DPP10: variants seen among roughly 807,000 people sequenced by gnomAD.
DPP10 encodes the protein inactive dipeptidyl peptidase 10.
A neutral mutation model predicts 120.9 loss-of-function variants in DPP10; 33 were observed. The ratio of observed to expected loss-of-function variants is 0.27; its 90% CI spans 0.21 to 0.37. The LOEUF is 0.37. Ranked by LOEUF, DPP10 falls within the 10% of genes least tolerant of loss-of-function variation. The pLI is 1.00. For missense variants in DPP10, 816 were observed against 942.8 expected, an observed-to-expected ratio of 0.87 and a Z score of 1.76; for synonymous variants, 337 against 326.1, an observed-to-expected ratio of 1.03 and a Z score of -0.36.
intron 2 of DPP10, among the ~76,000 whole-genome samples, chr2:115,317,227 A>G (rs920788638): frequency 6.7e-6 from 1 of 149,290 alleles, no homozygotes; most frequent in African/African-American, 2.6e-5. Flanking sequence ...GCAATCACCA[A>G]TCTACTTCTG....
intron 19 of DPP10, among the ~76,000 whole-genome samples, chr2:115,803,352 TACAGC>T (rs1294760003): frequency 6.6e-6 from 1 of 152,180 alleles, no homozygotes; most frequent in Non-Finnish European, 1.5e-5. Context: ...GTTTTCTGAA[TACAGC>T]ACACTGATGG....
chr2:115,016,450 A>G (rs1355080103), intron 1 of DPP10, among the ~76,000 whole-genome samples: 1 of 152,212 alleles, frequency 6.6e-6, no homozygotes, highest in Non-Finnish European at 1.5e-5. Flanking sequence ...ATGGGCGAAG[A>G]CTTCATGACA....
chr2:115,093,491 T>C (rs1709452613), intron 1 of DPP10, among the ~76,000 whole-genome samples: 1 of 152,124 alleles, frequency 6.6e-6, no homozygotes. Context: ...AAATGAATGA[T>C]AGTTATGTAA....
intron 3 of DPP10, among the ~76,000 whole-genome samples, chr2:115,379,188 T>C (rs1354646995): frequency 1.3e-5 from 2 of 152,162 alleles, no homozygotes; most frequent in Non-Finnish European, 2.9e-5. Flanking sequence ...GTCCTGGACT[T>C]TTTTTGGTAG....
chr2:114,803,958 C>T (rs1437466318), intron 1 of DPP10, among the ~76,000 whole-genome samples: 4 of 152,218 alleles, frequency 2.6e-5, no homozygotes, highest in African/African-American at 9.6e-5. Context: ...TCACAGCAGC[C>T]CTTCCCATCA....
At chr2:114,601,264 A>G (rs1283122458) in intron 1 of DPP10, among the ~76,000 whole-genome samples, 1 of 151,870 alleles carries the variant, frequency 6.6e-6, no homozygotes, top group Non-Finnish European at 1.5e-5. Flanking sequence ...TAATTTTACA[A>G]TTGTGTAGGT....
intron 1 of DPP10, among the ~76,000 whole-genome samples, chr2:114,712,550 C>T (rs533264181): frequency 6.6e-6 from 1 of 152,252 alleles, no homozygotes; most frequent in East Asian, 1.9e-4. Context: ...GATATGGTCT[C>T]AAGGACACAT....
intron 1 of DPP10, among the ~76,000 whole-genome samples, chr2:114,662,347 T>C (rs1163965901): frequency 6.6e-6 from 1 of 152,214 alleles, no homozygotes; most frequent in Non-Finnish European, 1.5e-5. Context: ...CGGGCACCGC[T>C]GCGCGGGGAG....
intron 5 of DPP10, among the ~76,000 whole-genome samples, chr2:115,635,636 C>A (rs931480174): frequency 6.6e-6 from 1 of 152,134 alleles, no homozygotes; most frequent in Non-Finnish European, 1.5e-5. Context: ...GTAGCCGCAC[C>A]TGTTCCATTT....
At chr2:114,688,388 C>T (rs895765728) in intron 1 of DPP10, among the ~76,000 whole-genome samples, 1 of 151,788 alleles carries the variant, frequency 6.6e-6, no homozygotes, top group African/African-American at 2.4e-5. Context: ...AGTACATCTC[C>T]CTTTTGCTGC....
chr2:114,880,930 G>T (rs781190084), intron 1 of DPP10, among the ~76,000 whole-genome samples: 11 of 152,036 alleles, frequency 7.2e-5, no homozygotes, highest in Non-Finnish European at 1.2e-4. Flanking sequence ...TGAGGCAAAG[G>T]GCTAGACTGG....
chr2:115,568,706 G>A (rs1467215689), intron 5 of DPP10, among the ~76,000 whole-genome samples: 1 of 151,994 alleles, frequency 6.6e-6, no homozygotes, highest in Non-Finnish European at 1.5e-5. Flanking sequence ...TTCCCATGGA[G>A]TTAATCTGGG....
intron 1 of DPP10, among the ~76,000 whole-genome samples, chr2:114,568,485 T>G (rs2104995801): frequency 6.6e-6 from 1 of 152,244 alleles, no homozygotes; most frequent in African/African-American, 2.4e-5. Context: ...TATCATTGAG[T>G]TCTGTAGTTA....
chr2:115,506,980 T>C (rs1017027788), intron 4 of DPP10, among the ~76,000 whole-genome samples: 3 of 151,892 alleles, frequency 2.0e-5, no homozygotes, highest in Non-Finnish European at 4.4e-5. Flanking sequence ...TGTTGAAATA[T>C]TGCCTCGTGA....
At chr2:115,689,795 G>A (rs1448976418) in intron 6 of DPP10, 45 bp from the exon 7 acceptor site, 2 of 1,610,138 alleles carry the variant, frequency 1.2e-6, no homozygotes, top group Non-Finnish European at 1.7e-6. Context: ...AATTGTTGGT[G>A]TAGATATCAG....
intron 1 of DPP10, among the ~76,000 whole-genome samples, chr2:114,913,908 C>T (rs1206700163): frequency 6.6e-6 from 1 of 152,150 alleles, no homozygotes; most frequent in Non-Finnish European, 1.5e-5. Flanking sequence ...AGCTGAAAAA[C>T]TCACTACAGT....
At chr2:114,908,103 A>G (rs1375855205) in intron 1 of DPP10, among the ~76,000 whole-genome samples, 4 of 151,978 alleles carry the variant, frequency 2.6e-5, no homozygotes, top group Admixed American at 2.0e-4. Context: ...AGATGATTTC[A>G]TCTGAAGTTA....
chr2:114,678,840 T>C (rs759883822), intron 1 of DPP10, among the ~76,000 whole-genome samples: 8 of 152,116 alleles, frequency 5.3e-5, no homozygotes, highest in Non-Finnish European at 8.8e-5. Flanking sequence ...AAATTTATCA[T>C]CATGATTGTA....
intron 1 of DPP10, among the ~76,000 whole-genome samples, chr2:114,652,740 C>T (rs1232608682): frequency 1.3e-5 from 2 of 152,138 alleles, no homozygotes; most frequent in Non-Finnish European, 1.5e-5. Context: ...CTAAAGTAAA[C>T]ATTTGAAACA....
Sources: allele counts gnomAD v4.1 joint callset (sites outside exome capture counted in the v4.1 genomes callset), GRCh38; gene constraint gnomAD v4.1.1; transcripts MANE v1.5; gene names NCBI Gene and HGNC (gene_info 2026-07-23, HGNC 2026-07-21).